Variants in MTUS2 observed in about 807,000 individuals in gnomAD.
MTUS2 encodes microtubule associated scaffold protein 2, also known as microtubule-associated tumor suppressor candidate 2.
In MTUS2, 40 loss-of-function variants were observed where a neutral mutation model predicts 114.1. The ratio of observed to expected loss-of-function variants is 0.35; its 90% confidence interval spans 0.27 to 0.46. The LOEUF (loss-of-function observed/expected upper bound fraction) is 0.46, where lower values mean the gene tolerates loss of function less well. MTUS2 is among the 20% of genes least tolerant of loss of function. MTUS2 has a pLI of 1.00. For synonymous variants in MTUS2, 688 were observed against 672.0 expected, an observed-to-expected ratio of 1.02 and a Z score of -0.37; for missense variants, 1,679 against 1,705.4, an observed-to-expected ratio of 0.98 and a Z score of 0.27.
chr13:29,424,487 GTAA>G (rs1242470153), intron 8 of MTUS2, among the ~76,000 whole-genome samples: 1 of 152,070 alleles, frequency 6.6e-6, no homozygotes, highest in Non-Finnish European at 1.5e-5. Context: ...ATTGATTCAG[GTAA>G]TAATTATTAA....
intron 11 of MTUS2, among the ~76,000 whole-genome samples, chr13:29,492,021 G>GTTGT (rs1555286282): frequency 0.031 from 4,246 of 138,052 alleles, 467 homozygotes; most frequent in African/African-American, 0.11. Context: ...GTGTGTGGTA[G>GTTGT]GTGTGTGTGT....
intron 1 of MTUS2, among the ~76,000 whole-genome samples, chr13:28,830,284 A>G (rs970973489): frequency 6.6e-6 from 1 of 152,198 alleles, no homozygotes; most frequent in Non-Finnish European, 1.5e-5. Flanking sequence ...GGGCCATAAC[A>G]GGAAAAACAA....
intron 8 of MTUS2, among the ~76,000 whole-genome samples, chr13:29,437,345 C>A (rs758828187): frequency 6.6e-6 from 1 of 152,096 alleles, no homozygotes. Context: ...TATTTAGGAA[C>A]GTGTTTAGGA....
intron 7 of MTUS2, among the ~76,000 whole-genome samples, chr13:29,350,302 T>C (rs1285135239): frequency 6.6e-6 from 1 of 150,820 alleles, no homozygotes; most frequent in Non-Finnish European, 1.5e-5. Context: ...TTAAAGTCAT[T>C]TAGGTTGTTG....
At chr13:29,450,899 A>G (rs1293122702) in intron 9 of MTUS2, among the ~76,000 whole-genome samples, 1 of 152,250 alleles carries the variant, frequency 6.6e-6, no homozygotes, top group African/African-American at 2.4e-5. Flanking sequence ...ACATAACAAT[A>G]CCAAATACCT....
chr13:29,142,381 A>G (rs577771061), intron 5 of MTUS2, among the ~76,000 whole-genome samples: 8 of 152,222 alleles, frequency 5.3e-5, no homozygotes, highest in African/African-American at 1.7e-4. Flanking sequence ...CCTGGTCCAG[A>G]ACCATTGATA....
At chr13:29,228,619 C>T (rs35413827) in intron 5 of MTUS2, among the ~76,000 whole-genome samples, 9,881 of 152,098 alleles carry the variant, frequency 0.065, 349 homozygotes, top group Middle Eastern at 0.075. Context: ...TAGGCCTGGC[C>T]CTGTGTGTGT....
At position 29,084,777 on chromosome 13, in the gene MTUS2, A is replaced by T. The variant is rs111611254; in HGVS notation, c.2447-15996A>T. Among the ~76,000 whole-genome samples, 30 of 105,456 alleles carry T rather than the reference A, an allele frequency of 2.8e-4. 2 individuals are homozygous for T. Among genetic ancestry groups the T allele is most frequent in the African/African-American group, 1.2e-3 (29 of 23,752 alleles). The allele number at this position is 105,456 out of a possible 152,430, so 69.2% of individuals were successfully genotyped here. ...GGTCTTGAACTCCTGACCTCAGGTGATCCACCCCCCCCCCTCACCGTTGGC... is the reference window on the plus strand; with the variant it reads ...GGTCTTGAACTCCTGACCTCAGGTGTTCCACCCCCCCCCCTCACCGTTGGC... On this transcript the variant is annotated intron_variant, in intron 4 of 15. Coordinates refer to ENST00000612955, the MANE Select transcript of MTUS2 (RefSeq NM_001033602.4).
At chr13:29,094,646 G>A (rs986313065) in intron 4 of MTUS2, among the ~76,000 whole-genome samples, 5 of 151,732 alleles carry the variant, frequency 3.3e-5, no homozygotes, top group African/African-American at 1.2e-4. Flanking sequence ...GTTTTCATTG[G>A]CTTTCTCTCC....
Position 29,252,499 on chromosome 13 carries a change from CA to C in MTUS2, c.2645-29204del, listed in dbSNP as rs1307674456. 2.0e-5 allele frequency among the ~76,000 whole-genome samples: 3 copies of C among 152,254 alleles called. No individual in the cohort carries two copies. The East Asian group carries it at 5.8e-4, about 29-fold the overall frequency. ...TTGCATGTTTAGAAAATGTAGGAGG[CA>C]GGGGAGGACACATGGTTTTAGGTGC... is the stretch of plus-strand genomic sequence containing the variant. On this transcript the variant is annotated intron_variant, in intron 5 of 15. Coordinates refer to ENST00000612955, the MANE Select transcript of MTUS2 (RefSeq NM_001033602.4).
chr13:28,862,616 AAAACC>A (rs917019182), intron 2 of MTUS2, among the ~76,000 whole-genome samples: 2 of 152,236 alleles, frequency 1.3e-5, no homozygotes, highest in African/African-American at 4.8e-5. Context: ...CTCCCACTCA[AAAACC>A]AAACCAAACC....
intron 8 of MTUS2, among the ~76,000 whole-genome samples, chr13:29,438,235 AGAT>A (rs1230262176): frequency 1.3e-5 from 2 of 152,184 alleles, no homozygotes; most frequent in African/African-American, 4.8e-5. Flanking sequence ...ACATGCTCTC[AGAT>A]GTAGTTGTTA....
At chr13:28,989,804 C>T (rs1280027217) in intron 2 of MTUS2, among the ~76,000 whole-genome samples, 2 of 151,540 alleles carry the variant, frequency 1.3e-5, no homozygotes, top group African/African-American at 2.4e-5. Context: ...GCCAGGGTGT[C>T]TCATTCTCTA....
chr13:29,173,034 T>C (rs1245839180), intron 5 of MTUS2, among the ~76,000 whole-genome samples: 6 of 152,194 alleles, frequency 3.9e-5, no homozygotes, highest in Non-Finnish European at 7.3e-5. Context: ...GGAACCTTCA[T>C]ATAGGCACCA....
chr13:29,484,127 G>A (rs1420052608), intron 10 of MTUS2: 1 of 152,244 alleles, frequency 6.6e-6, no homozygotes, highest in Non-Finnish European at 1.5e-5. Context: ...CTCCTCCATA[G>A]GGAGCAGCAG....
Position 29,424,901 on chromosome 13 carries a change from A to G in MTUS2, c.3118-15082A>G, listed in dbSNP as rs576790046. Among the ~76,000 whole-genome samples, 16 of 152,348 alleles carry G rather than the reference A, an allele frequency of 1.1e-4. No individual in the cohort carries two copies. The East Asian group carries it at 1.5e-3, about 15-fold the overall frequency. On this transcript the variant is annotated intron_variant, in intron 8 of 15. Coordinates refer to ENST00000612955, the MANE Select transcript of MTUS2 (RefSeq NM_001033602.4). ...AGATACTTAAAACCTGATGTAATACATAGACCTAGTTTGGATCCTGATTCA... is the reference window on the plus strand; with the variant it reads ...AGATACTTAAAACCTGATGTAATACGTAGACCTAGTTTGGATCCTGATTCA...
At chr13:28,868,469 T>A (rs1390170277) in intron 2 of MTUS2, among the ~76,000 whole-genome samples, 1 of 152,206 alleles carries the variant, frequency 6.6e-6, no homozygotes, top group Non-Finnish European at 1.5e-5. Flanking sequence ...GTGTTCCTTT[T>A]GTCCAGTTTG....
At chr13:29,040,130 T>A (rs1887279031) in intron 4 of MTUS2, among the ~76,000 whole-genome samples, 1 of 152,176 alleles carries the variant, frequency 6.6e-6, no homozygotes, top group African/African-American at 2.4e-5. Context: ...CTCCCACCCA[T>A]TCCCCAAGTC....
intron 5 of MTUS2, among the ~76,000 whole-genome samples, chr13:29,225,062 A>C (rs1005360397): frequency 2.0e-5 from 3 of 152,190 alleles, no homozygotes; most frequent in Non-Finnish European, 4.4e-5. Flanking sequence ...ATCAGTGAGC[A>C]GCAGGCTTTG....
Sources: allele counts gnomAD v4.1 joint callset (sites outside exome capture counted in the v4.1 genomes callset), GRCh38; gene constraint gnomAD v4.1.1; transcripts MANE v1.5; gene names NCBI Gene and HGNC (gene_info 2026-07-23, HGNC 2026-07-21).